MEMO1: variants seen among roughly 807,000 people sequenced by gnomAD.
MEMO1 encodes the protein mediator of cell motility 1.
Under a neutral mutation model 45.2 loss-of-function variants are expected in MEMO1, and 6 were observed. The ratio of observed to expected loss-of-function variants is 0.13; its 90% confidence interval spans 0.07 to 0.26. MEMO1 has a LOEUF of 0.26. Ranked by LOEUF, MEMO1 falls within the 10% of genes least tolerant of loss-of-function variation. The pLI is 1.00. For missense variants in MEMO1, 184 were observed against 370.5 expected (o/e 0.50, Z 4.13); for synonymous variants, 78 against 124.3 (o/e 0.63, Z 2.48).
chr2:31,988,043 G>A (rs920886168), intron 2 of MEMO1, among the ~76,000 whole-genome samples: 2 of 152,142 alleles, frequency 1.3e-5, no homozygotes, highest in Admixed American at 6.6e-5. Context: ...AGTATGTACA[G>A]AGAGATTAAG....
intron 6 of MEMO1, among the ~76,000 whole-genome samples, chr2:31,913,156 T>C (rs1680858219): frequency 6.9e-6 from 1 of 145,674 alleles, no homozygotes. Context: ...TCCCAACTAC[T>C]CGGGAGGCTG....
At chr2:31,891,085 T>C (rs900583807) in intron 7 of MEMO1, among the ~76,000 whole-genome samples, 2 of 152,148 alleles carry the variant, frequency 1.3e-5, no homozygotes, top group Admixed American at 6.6e-5. Context: ...ACACATAAAA[T>C]GCCATGGCTC....
At chr2:31,963,378 C>T in intron 2 of MEMO1, 3 of 1,129,414 alleles carry the variant, frequency 2.7e-6, no homozygotes, top group Non-Finnish European at 3.4e-6. Flanking sequence ...CTCTGAAGGA[C>T]ACTGACTAAT....
At chr2:32,001,032 ATTT>A (rs66617379) in intron 2 of MEMO1, among the ~76,000 whole-genome samples, 13 of 104,522 alleles carry the variant, frequency 1.2e-4, no homozygotes, top group Admixed American at 1.1e-4. Flanking sequence ...ATAAATTTTG[ATTT>A]TTTTTTTTTT....
At chr2:32,005,535 A>G (rs1397950486) in intron 2 of MEMO1, among the ~76,000 whole-genome samples, 1 of 152,040 alleles carries the variant, frequency 6.6e-6, no homozygotes, top group Non-Finnish European at 1.5e-5. Flanking sequence ...TGTTTAAAGT[A>G]TGTCATACTT....
At chr2:31,981,084 A>G (rs941200655) in intron 2 of MEMO1, among the ~76,000 whole-genome samples, 1 of 152,234 alleles carries the variant, frequency 6.6e-6, no homozygotes, top group Non-Finnish European at 1.5e-5. Flanking sequence ...ATGTCAAAAT[A>G]GTAGAGAAGA....
chr2:31,960,276 T>G lies in MEMO1; in HGVS notation c.62-16893A>C, dbSNP rs138936664. Among the ~76,000 whole-genome samples the G allele has an allele frequency of 9.2e-3, 1,402 of 152,168 alleles. 24 individuals are homozygous for G. Among genetic ancestry groups the G allele is most frequent in the African/African-American group, 0.032 (1,311 of 41,544 alleles). ...AGGCTAAGAATCCTGGAGCTAGCAC[T>G]ACAGTACTCAAGCCATTATTTCAAA... On this transcript the variant is annotated intron_variant, in intron 2 of 9. Transcript: ENST00000404530.
In MEMO1 at chr2:31,900,520, G is replaced by A. The variant is rs930402979; in HGVS notation, c.438-8386C>T. On this transcript the variant is annotated intron_variant, in intron 6 of 9. Transcript: ENST00000404530. ...CACAGGGAGGGAAACATCACACACC[G>A]GGGCCTGTTGGGGAGTGGGGGACTA... is the stretch of plus-strand genomic sequence containing the variant. Among the ~76,000 whole-genome samples, 21 of 152,102 alleles carry A rather than the reference G, an allele frequency of 1.4e-4. No homozygotes were observed. In the South Asian group the frequency reaches 2.9e-3, roughly 21 times the overall value.
chr2:31,880,847 C>T (rs978079345), intron 8 of MEMO1, among the ~76,000 whole-genome samples: 2 of 151,690 alleles, frequency 1.3e-5, no homozygotes, highest in African/African-American at 4.8e-5. Flanking sequence ...GGCGAAACCC[C>T]ATCTCTAAAA....
intron 2 of MEMO1, among the ~76,000 whole-genome samples, chr2:31,998,544 T>C (rs1672878832): frequency 6.6e-6 from 1 of 152,186 alleles, no homozygotes; most frequent in East Asian, 1.9e-4. Flanking sequence ...CTCACGCCTA[T>C]AATCCCAGCA....
intron 7 of MEMO1, among the ~76,000 whole-genome samples, chr2:31,888,427 G>A (rs1047778227): frequency 6.6e-6 from 1 of 152,004 alleles, no homozygotes; most frequent in African/African-American, 2.4e-5. Context: ...TTTCAGGAAG[G>A]TCAGGAAAAC....
chr2:31,984,962 TA>T (rs1467598399), intron 2 of MEMO1, among the ~76,000 whole-genome samples: 1 of 152,246 alleles, frequency 6.6e-6, no homozygotes, highest in Admixed American at 6.5e-5. Context: ...ATGTTAACAG[TA>T]GGGGAAAATC....
intron 5 of MEMO1, among the ~76,000 whole-genome samples, chr2:31,919,951 T>TAC (rs954128844): frequency 9.5e-4 from 4 of 4,230 alleles, no homozygotes; most frequent in African/African-American, 3.5e-3. Context: ...CACATACACG[T>TAC]GTGTGTGTGT....
chr2:31,965,299 A>AAGAGGGAAGGAGGGACGGAG (rs1668485320), intron 2 of MEMO1, among the ~76,000 whole-genome samples: 1 of 147,324 alleles, frequency 6.8e-6, no homozygotes, highest in African/African-American at 2.5e-5. Flanking sequence ...GAAGAAGGGA[A>AAGAGGGAAGGAGGGACGGAG]GGAGGGAAGG....
chr2:31,974,982 CCAA>C (rs1282155490), intron 2 of MEMO1, among the ~76,000 whole-genome samples: 3 of 151,886 alleles, frequency 2.0e-5, no homozygotes, highest in Non-Finnish European at 4.4e-5. Context: ...ACCAGCTTGG[CCAA>C]CATGATGAAA....
intron 4 of MEMO1, among the ~76,000 whole-genome samples, chr2:31,927,923 A>G (rs1683349220): frequency 1.3e-5 from 2 of 152,182 alleles, no homozygotes; most frequent in Admixed American, 6.5e-5. Context: ...GCTTTTAATA[A>G]GATATCTATA....
intron 3 of MEMO1, among the ~76,000 whole-genome samples, chr2:31,933,275 C>A: frequency 7.5e-6 from 1 of 132,506 alleles, no homozygotes; most frequent in South Asian, 2.7e-4. Flanking sequence ...TATGATCACG[C>A]CCACACACCA....
chr2:31,987,998 G>A (rs898096578), intron 2 of MEMO1, among the ~76,000 whole-genome samples: 2 of 152,142 alleles, frequency 1.3e-5, no homozygotes, highest in Non-Finnish European at 2.9e-5. Context: ...GAAGGAGTAT[G>A]CGCAGAGTGT....
intron 2 of MEMO1, among the ~76,000 whole-genome samples, chr2:31,947,206 T>C (rs1666295268): frequency 6.6e-6 from 1 of 152,156 alleles, no homozygotes; most frequent in Admixed American, 6.5e-5. Context: ...TATACCTGAA[T>C]TCATCCACCC....
Sources: allele counts gnomAD v4.1 joint callset (sites outside exome capture counted in the v4.1 genomes callset), GRCh38; gene constraint gnomAD v4.1.1; transcripts MANE v1.5; gene names NCBI Gene and HGNC (gene_info 2026-07-23, HGNC 2026-07-21).